Variants in DTX1 observed in about 807,000 individuals in gnomAD.
DTX1 encodes E3 ubiquitin-protein ligase DTX1.
DTX1 carries 26 observed loss-of-function variants against 57.8 expected under a neutral mutation model. The observed-to-expected ratio is 0.45, with a 90% CI of 0.33 to 0.62. The LOEUF is 0.62. Among genes scored for constraint, DTX1 ranks in the 20% least tolerant of loss-of-function variants. The pLI, the probability that DTX1 is intolerant of heterozygous loss-of-function variation, is 0.02. For missense variants in DTX1, 704 were observed against 895.3 expected (o/e 0.79, Z 2.73); for synonymous variants, 398 against 394.1 (o/e 1.01, Z -0.12).
chr12:113,095,853 A>G (rs1950285914), intron 9 of DTX1, among the ~76,000 whole-genome samples: 1 of 152,216 alleles, frequency 6.6e-6, no homozygotes, highest in Non-Finnish European at 1.5e-5. Flanking sequence ...GCTCTTTAAT[A>G]TAGTGTGGAG....
At chr12:113,095,540 C>A in intron 9 of DTX1, 126 bp downstream of exon 9, 4 of 1,193,030 alleles carry the variant, frequency 3.4e-6, no homozygotes, top group Non-Finnish European at 4.7e-6. Context: ...AAGCAGCACC[C>A]GAACAGTAAC....
At chr12:113,060,893 G>A (rs1204987573) in intron 2 of DTX1, among the ~76,000 whole-genome samples, 1 of 152,130 alleles carries the variant, frequency 6.6e-6, no homozygotes, top group Admixed American at 6.5e-5. Flanking sequence ...GAGATCTTCC[G>A]GGACCTAGCT....
At chr12:113,075,511 C>A (rs953009988) in intron 2 of DTX1, among the ~76,000 whole-genome samples, 1 of 152,238 alleles carries the variant, frequency 6.6e-6, no homozygotes, top group Non-Finnish European at 1.5e-5. Context: ...ACTTCATCAG[C>A]CCCAAGACAC....
intron 2 of DTX1, among the ~76,000 whole-genome samples, chr12:113,060,164 C>G (rs1362440545): frequency 6.6e-6 from 1 of 152,278 alleles, no homozygotes; most frequent in South Asian, 2.1e-4. Flanking sequence ...TTCCGTAACT[C>G]CAGGCATTGA....
In DTX1 at chr12:113,093,510, G is replaced by A. The variant is rs1232940681; in HGVS notation, c.1004-29G>A. ...GGGGTTTGGGCGGGGATGGCGCCCC[G>A]CCCTGTGACTGCGCCCCCTAACCCC... On this transcript the variant is annotated intron_variant, in intron 4 of 9. Coordinates refer to ENST00000548759, the MANE Select transcript of DTX1 (RefSeq NM_004416.3). The surrounding 1 kb of genome is among the most constrained non-coding windows in gnomAD (Gnocchi z 4.2). 2.3e-6 allele frequency: 3 copies of A among 1,314,548 alleles called. No individual in the cohort carries two copies. Among genetic ancestry groups the A allele is most frequent in the Non-Finnish European group, 3.0e-6 (3 of 998,730 alleles). The allele number at this position is 1,314,548 out of a possible 1,614,324, so 81.4% of individuals were successfully genotyped here.
At chr12:113,071,154 T>G (rs2044735403) in intron 2 of DTX1, among the ~76,000 whole-genome samples, 1 of 152,218 alleles carries the variant, frequency 6.6e-6, no homozygotes, top group Non-Finnish European at 1.5e-5. Context: ...TCTGACAGTC[T>G]CTTTGATCAT....
rs1434131833 is a variant in DTX1 at position 113,059,539 on chromosome 12, G to A, written c.259+1088G>A. On this transcript the variant is annotated intron_variant, in intron 2 of 9. Transcript: ENST00000548759. ...CTACTCTCTTTTGTTCTGGAGATTT[G>A]TCATCGTTGGGGAGATCTCCCTGAG... Among the ~76,000 whole-genome samples the A allele has an allele frequency of 2.6e-5, 4 of 152,232 alleles. No individual in the cohort carries two copies. The South Asian group carries it at 6.2e-4, about 24-fold the overall frequency.
chr12:113,088,034 G>T (rs1241871431), intron 3 of DTX1, among the ~76,000 whole-genome samples: 1 of 152,196 alleles, frequency 6.6e-6, no homozygotes, highest in Non-Finnish European at 1.5e-5. Flanking sequence ...CAGCCCACCT[G>T]TAGAGCACAG....
At chr12:113,080,925 T>C (rs1309399295) in intron 3 of DTX1, among the ~76,000 whole-genome samples, 1 of 150,690 alleles carries the variant, frequency 6.6e-6, no homozygotes, top group African/African-American at 2.4e-5. Flanking sequence ...CAGTGACCTG[T>C]GATCACACCA....
rs544880265 is a variant in DTX1 at position 113,093,253 on chromosome 12, G to A, written c.1003+30G>A. 7 of 1,568,554 alleles carry A rather than the reference G, an allele frequency of 4.5e-6. No homozygotes were observed. The African/African-American group carries it at 9.5e-5, about 21-fold the overall frequency. ...GGTCTGGCCCAGGGCGGGAAAGAAG[G>A]GCGGGGCCCACTAGGAGGCAGCTCC... On this transcript the variant is annotated intron_variant, in intron 4 of 9. Coordinates refer to ENST00000548759, the MANE Select transcript of DTX1 (RefSeq NM_004416.3). The surrounding 1 kb of genome is among the most constrained non-coding windows in gnomAD (Gnocchi z 4.2).
At chr12:113,092,597 A>G (rs1183658532) in intron 3 of DTX1, among the ~76,000 whole-genome samples, 1 of 152,210 alleles carries the variant, frequency 6.6e-6, no homozygotes, top group Non-Finnish European at 1.5e-5. Flanking sequence ...AAAAAAATTC[A>G]TCACCAAATG....
At position 113,086,431 on chromosome 12, in the gene DTX1, C is replaced by T. The variant is rs758683003; in HGVS notation, c.942-6731C>T. On this transcript the variant is annotated intron_variant, in intron 3 of 9. Coordinates refer to ENST00000548759, the MANE Select transcript of DTX1 (RefSeq NM_004416.3). ...GGGAAAGAAGTAAGAGAGGAAAAGG[C>T]GCCAGGTCACACAGGGTCTGGAAGG... Among the ~76,000 whole-genome samples, 14 of 152,188 alleles carry T rather than the reference C, an allele frequency of 9.2e-5. No individual in the cohort carries two copies. The East Asian group carries it at 1.4e-3, about 15-fold the overall frequency.
intron 2 of DTX1, among the ~76,000 whole-genome samples, chr12:113,064,049 A>G (rs2044688067): frequency 6.6e-6 from 1 of 152,120 alleles, no homozygotes; most frequent in African/African-American, 2.4e-5. Flanking sequence ...TTCTCCCTTG[A>G]GAGCGCTCTT....
chr12:113,061,784 C>G (rs1296470934), intron 2 of DTX1, among the ~76,000 whole-genome samples: 1 of 152,058 alleles, frequency 6.6e-6, no homozygotes, highest in African/African-American at 2.4e-5. Context: ...TCACTGCAGC[C>G]TCTTTCCCCG....
chr12:113,081,021 A>G (rs773780570), intron 3 of DTX1, among the ~76,000 whole-genome samples: 1 of 151,832 alleles, frequency 6.6e-6, no homozygotes, highest in Non-Finnish European at 1.5e-5. Flanking sequence ...TCATTTCTGC[A>G]TATGTTTAAT....
At chr12:113,071,140 T>C (rs575571236) in intron 2 of DTX1, among the ~76,000 whole-genome samples, 94 of 152,360 alleles carry the variant, frequency 6.2e-4, no homozygotes, top group African/African-American at 2.3e-3. Flanking sequence ...GGCCTTGGCC[T>C]GTCTCTGACA....
intron 3 of DTX1, among the ~76,000 whole-genome samples, chr12:113,080,410 G>A (rs192152052): frequency 6.6e-6 from 1 of 152,182 alleles, no homozygotes; most frequent in Non-Finnish European, 1.5e-5. Flanking sequence ...GTCCTAGAAT[G>A]ACAGGCTAGG....
Position 113,095,222 on chromosome 12 carries a change from T to A in DTX1, c.1548+19T>A. 6.2e-7 allele frequency: 1 copy of A among 1,603,932 alleles called. No individual in the cohort carries two copies. Among genetic ancestry groups the A allele is most frequent in the Non-Finnish European group, 8.5e-7 (1 of 1,172,366 alleles). On this transcript the variant is annotated intron_variant, in intron 8 of 9. Transcript: ENST00000548759. ...CATCCAGGTGGGCTCCCCTTCCGCC[T>A]CTCTGGCCCCCAGCCCCCACACCCC...
chr12:113,086,740 A>AT (rs1301118978), intron 3 of DTX1, among the ~76,000 whole-genome samples: 3 of 151,980 alleles, frequency 2.0e-5, no homozygotes, highest in Admixed American at 6.6e-5. Flanking sequence ...TTCCATAAGT[A>AT]TTACATTTCA....
Sources: allele counts gnomAD v4.1 joint callset (sites outside exome capture counted in the v4.1 genomes callset), GRCh38; gene constraint gnomAD v4.1.1; non-coding constraint Gnocchi (gnomAD v3.1); transcripts MANE v1.5; gene names NCBI Gene and HGNC (gene_info 2026-07-23, HGNC 2026-07-21).